The following TNNI3K variants were observed in gnomAD, a reference collection of about 807,000 sequenced individuals.
The protein encoded by TNNI3K is TNNI3 interacting kinase.
A neutral mutation model predicts 114.5 loss-of-function variants in TNNI3K; 140 were observed. The ratio of observed to expected loss-of-function variants is 1.22; its 90% CI spans 1.07 to 1.41. The LOEUF (loss-of-function observed/expected upper bound fraction) is 1.41. Ranked by LOEUF, TNNI3K falls within the 40% of genes most tolerant of loss-of-function variation. The pLI is 0.00. For missense variants in TNNI3K, 1,125 were observed against 1,007.6 expected (o/e 1.12, Z -1.58); for synonymous variants, 347 against 347.5 (o/e 1.00, Z 0.02).
At chr1:74,384,757 C>T (rs1009303701) in intron 17 of TNNI3K, among the ~76,000 whole-genome samples, 10 of 152,020 alleles carry the variant, frequency 6.6e-5, no homozygotes, top group East Asian at 1.9e-4. Context: ...ACAGTGGCAA[C>T]GTTTCCTGAA....
At chr1:74,511,210 G>C (rs1460342425) in intron 23 of TNNI3K, among the ~76,000 whole-genome samples, 1 of 135,108 alleles carries the variant, frequency 7.4e-6, no homozygotes, top group Non-Finnish European at 1.6e-5. Context: ...TTTTTTTTCC[G>C]AGATGGAATT....
chr1:74,432,123 A>G (rs1665929881), intron 17 of TNNI3K, among the ~76,000 whole-genome samples: 1 of 152,084 alleles, frequency 6.6e-6, no homozygotes, highest in South Asian at 2.1e-4. Flanking sequence ...ACATGTTTGT[A>G]TATTATAGTA....
At chr1:74,502,289 G>A (rs1669673042) in intron 23 of TNNI3K, among the ~76,000 whole-genome samples, 2 of 152,248 alleles carry the variant, frequency 1.3e-5, no homozygotes, top group East Asian at 1.9e-4. Flanking sequence ...CCGGTACATG[G>A]TAGGTGCCAA....
intron 5 of TNNI3K, among the ~76,000 whole-genome samples, chr1:74,317,849 T>C (rs1659398788): frequency 6.6e-6 from 1 of 152,220 alleles, no homozygotes. Flanking sequence ...TCAGTAGTAG[T>C]TTCTTCAGAT....
chr1:74,444,934 T>A (rs1026632528), intron 20 of TNNI3K, among the ~76,000 whole-genome samples: 7 of 152,000 alleles, frequency 4.6e-5, no homozygotes, highest in African/African-American at 1.7e-4. Context: ...AAACAAGCAA[T>A]GGGGAACCCT....
intron 5 of TNNI3K, among the ~76,000 whole-genome samples, chr1:74,323,404 G>T (rs1659729785): frequency 6.6e-6 from 1 of 151,960 alleles, no homozygotes; most frequent in African/African-American, 2.4e-5. Flanking sequence ...TATGATTGTT[G>T]TGAACATTAA....
intron 21 of TNNI3K, chr1:74,483,362 T>C: frequency 1.4e-6 from 1 of 717,136 alleles, no homozygotes; most frequent in Non-Finnish European, 2.6e-6. Context: ...TGGCAAAGAG[T>C]ACCAGCCATC....
rs1341300214 is a variant in TNNI3K at position 74,475,577 on chromosome 1, G to A, written c.2121+12027G>A. The A allele has an allele frequency of 1.4e-5, 10 of 717,244 alleles. 1 individual carries two copies. The highest frequency in any genetic ancestry group is 5.2e-5 in the African/African-American group (3 of 57,200). 44.4% of individuals were successfully genotyped at this position (717,244 alleles called of 1,614,324 possible). Reference sequence around the variant, plus strand: ...GATGTTGCTTGATGGCTATTTTCCTGTAAAAGTGGCATTTCTTTTCTGGAC... The same window carrying A: ...GATGTTGCTTGATGGCTATTTTCCTATAAAAGTGGCATTTCTTTTCTGGAC... On this transcript the variant is annotated intron_variant, in intron 21 of 24. Coordinates refer to ENST00000326637, the MANE Select transcript of TNNI3K (RefSeq NM_015978.3).
intron 5 of TNNI3K, among the ~76,000 whole-genome samples, chr1:74,283,818 CAT>C (rs1402605501): frequency 1.3e-5 from 2 of 152,184 alleles, no homozygotes; most frequent in African/African-American, 2.4e-5. Flanking sequence ...AATATATACA[CAT>C]ATTTGTATAA....
chr1:74,348,655 G>T (rs1410405055), intron 9 of TNNI3K, among the ~76,000 whole-genome samples: 2 of 152,072 alleles, frequency 1.3e-5, no homozygotes, highest in Non-Finnish European at 2.9e-5. Context: ...CCATTTCTTT[G>T]TATCCTCTTT....
At chr1:74,463,252 A>G (rs1195843147) in intron 20 of TNNI3K, among the ~76,000 whole-genome samples, 189 bp from the exon 21 acceptor site, 1 of 152,232 alleles carries the variant, frequency 6.6e-6, no homozygotes, top group Admixed American at 6.5e-5. Flanking sequence ...GAATAAAGAT[A>G]AGTTTGTAGT....
chr1:74,334,490 A>T (rs190750462), intron 6 of TNNI3K, among the ~76,000 whole-genome samples: 174 of 152,326 alleles, frequency 1.1e-3, no homozygotes, highest in African/African-American at 4.1e-3. Flanking sequence ...AGGCATCCTA[A>T]CTTAACCTTA....
chr1:74,318,538 A>G (rs910126414), intron 5 of TNNI3K, among the ~76,000 whole-genome samples: 1 of 152,218 alleles, frequency 6.6e-6, no homozygotes, highest in African/African-American at 2.4e-5. Context: ...TGGATGAGCA[A>G]ATGTTTGAGG....
At chr1:74,239,365 G>A (rs1004612169) in intron 2 of TNNI3K, among the ~76,000 whole-genome samples, 4 of 152,066 alleles carry the variant, frequency 2.6e-5, no homozygotes, top group African/African-American at 9.7e-5. Context: ...TTTAAAGGTA[G>A]TTGGGAAGAT....
intron 2 of TNNI3K, among the ~76,000 whole-genome samples, chr1:74,239,547 G>T (rs1337610538): frequency 6.6e-6 from 1 of 152,020 alleles, no homozygotes; most frequent in Non-Finnish European, 1.5e-5. Flanking sequence ...TAAACATTTA[G>T]ATAGCAAGGA....
At chr1:74,474,507 T>TA (rs1460946623) in intron 21 of TNNI3K, among the ~76,000 whole-genome samples, 3 of 152,302 alleles carry the variant, frequency 2.0e-5, no homozygotes, top group Admixed American at 6.5e-5. Flanking sequence ...AATTTCTTGA[T>TA]ACAGCACCTC....
At chr1:74,515,645 C>G (rs1373130546) in intron 23 of TNNI3K, among the ~76,000 whole-genome samples, 1 of 152,058 alleles carries the variant, frequency 6.6e-6, no homozygotes, top group Non-Finnish European at 1.5e-5. Flanking sequence ...CCGATGTAGT[C>G]AAACTAAGGG....
At chr1:74,364,319 T>G (rs539577343) in intron 11 of TNNI3K, among the ~76,000 whole-genome samples, 4 of 151,972 alleles carry the variant, frequency 2.6e-5, no homozygotes, top group African/African-American at 9.7e-5. Flanking sequence ...CCAAAGGAAT[T>G]TTTGGTCTTT....
chr1:74,504,261 G>C (rs1669778039), intron 23 of TNNI3K, among the ~76,000 whole-genome samples: 1 of 152,088 alleles, frequency 6.6e-6, no homozygotes, highest in Non-Finnish European at 1.5e-5. Context: ...ACTCCTTTTC[G>C]GCTGATGTGG....
Sources: allele counts gnomAD v4.1 joint callset (sites outside exome capture counted in the v4.1 genomes callset), GRCh38; gene constraint gnomAD v4.1.1; transcripts MANE v1.5; gene names NCBI Gene and HGNC (gene_info 2026-07-23, HGNC 2026-07-21).